APOM: variants seen among roughly 807,000 people sequenced by gnomAD.
The protein encoded by APOM is NG20-like protein.
A neutral mutation model predicts 23.5 loss-of-function variants in APOM; 24 were observed. The observed-to-expected ratio is 1.02, with a 90% CI of 0.74 to 1.44. The LOEUF (loss-of-function observed/expected upper bound fraction) is 1.44, where lower values mean the gene tolerates loss of function less well. APOM is among the 40% of genes most tolerant of loss of function. The pLI is 0.00. For missense variants in APOM, 200 were observed against 233.2 expected, an observed-to-expected ratio of 0.86 and a Z score of 0.93; for synonymous variants, 82 against 84.1, an observed-to-expected ratio of 0.97 and a Z score of 0.14.
chr6:31,655,160 T>C (rs1468705947), upstream of APOM, among the ~76,000 whole-genome samples: 1 of 152,204 alleles, frequency 6.6e-6, no homozygotes, highest in Non-Finnish European at 1.5e-5. Flanking sequence ...AGGCTGGTTT[T>C]GAACTCCTGG....
chr6:31,657,769 C>G, intron 5 of APOM, 46 bp downstream of exon 5: 2 of 1,514,762 alleles, frequency 1.3e-6, no homozygotes, highest in Non-Finnish European at 1.8e-6. Flanking sequence ...CTCACCAAGT[C>G]TTCTGGTGTT....
upstream of APOM, among the ~76,000 whole-genome samples, chr6:31,653,311 C>T (rs1256657614): frequency 2.0e-5 from 3 of 152,194 alleles, no homozygotes; most frequent in Non-Finnish European, 1.5e-5. Flanking sequence ...GGGGTGGAGG[C>T]ATTACCGCCT....
Position 31,657,211 on chromosome 6 carries a change from C to T in APOM, c.270-14C>T. ...ATGCTCATTCTTTCCTCCTTGCCAC[C>T]ACCACCTCTGCAGGAAAGATGGGCT... On this transcript the variant is annotated splice_polypyrimidine_tract_variant and intron_variant, in intron 2 of 5. Coordinates refer to ENST00000375916, the MANE Select transcript of APOM (RefSeq NM_019101.3). 6.2e-7 allele frequency: 1 copy of T among 1,612,492 alleles called. No individual in the cohort carries two copies. Among genetic ancestry groups the T allele is most frequent in the Non-Finnish European group, 8.5e-7 (1 of 1,179,634 alleles).
chr6:31,657,336 G>T (rs1305040717), intron 3 of APOM, 38 bp downstream of exon 3: 14 of 1,612,950 alleles, frequency 8.7e-6, no homozygotes, highest in Non-Finnish European at 1.1e-5. Flanking sequence ...CTTGAGTTTG[G>T]TTCTGCATCT....
intron 5 of APOM, 106 bp downstream of exon 5, chr6:31,657,829 G>T: frequency 8.8e-7 from 1 of 1,136,082 alleles, no homozygotes. Context: ...GTGGCTAAGA[G>T]CTGTGATGTC....
chr6:31,655,909 G>A lies in APOM; in HGVS notation c.-58G>A, dbSNP rs1799989511. ...AGCTGAAAGCAGAGTGGACTGAGCA[G>A]CCAGTAGGGGAGAGAGCAGTTAAGG... On this transcript the variant is annotated 5_prime_UTR_variant, in exon 1 of 6. Coordinates refer to ENST00000375916, the MANE Select transcript of APOM (RefSeq NM_019101.3). 8.3e-7 allele frequency: 1 copy of A among 1,198,412 alleles called. No individual in the cohort carries two copies. Among genetic ancestry groups the A allele is most frequent in the Non-Finnish European group, 1.2e-6 (1 of 827,392 alleles). 74.2% of individuals were successfully genotyped at this position (1,198,412 alleles called of 1,614,324 possible). A position where few individuals can be genotyped will look rare whatever the true frequency, so the allele number is the denominator to read the frequency against.
In APOM at chr6:31,656,606, C is replaced by A; in HGVS notation, c.249C>A (p.His83Gln). The A allele has an allele frequency of 6.2e-7, 1 of 1,614,048 alleles. No individual in the cohort carries two copies. ...MAAGSAPMQL[H>Q]LRATIRMKDG... ...CTGGCTCTGCCCCGATGCAGCTCCA[C>A]CTTCGTGCTACCATCCGCATGTGAG... Residue 83 changes from histidine (H) to glutamine (Q), a missense_variant, in exon 2 of 6, where the codon CAC becomes CAA. Transcript: ENST00000375916.
intron 5 of APOM, 159 bp downstream of exon 5, chr6:31,657,882 G>T (rs1039637607): frequency 1.1e-6 from 1 of 951,868 alleles, no homozygotes; most frequent in African/African-American, 1.6e-5. Context: ...TCAAAAGAGA[G>T]GTTTCTGAGT....
At chr6:31,654,421 C>T (rs944324449), upstream of APOM, among the ~76,000 whole-genome samples, 3 of 152,028 alleles carry the variant, frequency 2.0e-5, no homozygotes, top group African/African-American at 7.2e-5. Flanking sequence ...GGTGTGGTGG[C>T]TCATGCCTGT....
At chr6:31,657,912 C>A in intron 5 of APOM, 152 bp from the exon 6 acceptor site, 1 of 969,992 alleles carries the variant, frequency 1.0e-6, no homozygotes, top group Non-Finnish European at 1.6e-6. Context: ...ATAAAGGGGG[C>A]AGAGGGTCAT....
chr6:31,657,265 CT>C lies in APOM; in HGVS notation c.311del (p.Leu104ArgfsTer16). On this transcript the variant is annotated frameshift_variant, in exon 3 of 6. Coordinates refer to ENST00000375916, the MANE Select transcript of APOM (RefSeq NM_019101.3). LOFTEE classifies it high-confidence loss of function. ...TGTGCCCCGGAAATGGATCTACCAC[CT>C]GACTGAAGGGAGCACAGATCTCAGA... Reference protein sequence around the residue: ...LCVPRKWIYHLTEGSTDLRTE... With the variant: ...LCVPRKWIYHXTEGSTDLRTE... The C allele has an allele frequency of 1.2e-6, 2 of 1,613,100 alleles. No homozygotes were observed. The highest frequency in any genetic ancestry group is 1.7e-6 in the Non-Finnish European group (2 of 1,180,028).
Position 31,656,094 on chromosome 6 carries a change from T to C in APOM, c.114+14T>C, listed in dbSNP as rs370076893. Reference sequence around the variant, plus strand: ...GATGGGAAGGAGGTATGGACTGAGATTGGGGGAAGCCTATGGTGGAGGCTC... The same window carrying C: ...GATGGGAAGGAGGTATGGACTGAGACTGGGGGAAGCCTATGGTGGAGGCTC... On this transcript the variant is annotated intron_variant, in intron 1 of 5. Transcript: ENST00000375916. 2.8e-5 allele frequency: 43 copies of C among 1,549,112 alleles called. No homozygotes were observed. The highest frequency in any genetic ancestry group is 1.4e-4 in the African/African-American group (10 of 73,242).
At chr6:31,654,570 C>T (rs561397374), upstream of APOM, among the ~76,000 whole-genome samples, 2 of 152,112 alleles carry the variant, frequency 1.3e-5, no homozygotes, top group Non-Finnish European at 2.9e-5. Context: ...ACCTCCTACT[C>T]GGGAATCATC....
rs1483600795 is a variant in APOM at position 31,656,069 on chromosome 6, G to A, written c.103G>A (p.Asp35Asn). The A allele has an allele frequency of 6.4e-7, 1 of 1,566,846 alleles. No individual in the cohort carries two copies. Among genetic ancestry groups the A allele is most frequent in the East Asian group, 2.3e-5 (1 of 42,828 alleles). ...EHSQLTTLGV[D>N]GKEFPEVHLG... ...CAGTCAACTGACAACTCTGGGCGTGGATGGGAAGGAGGTATGGACTGAGAT... is the reference window on the plus strand; with the variant it reads ...CAGTCAACTGACAACTCTGGGCGTGAATGGGAAGGAGGTATGGACTGAGAT... The change falls in exon 1 of 6, where the codon GAT becomes AAT. Residue 35 changes from aspartate to asparagine, a missense_variant. By Grantham distance (23) the Asp-to-Asn change is conservative. Transcript: ENST00000375916.
intron 1 of APOM, 79 bp from the exon 2 acceptor site, chr6:31,656,393 G>C (rs116715239): frequency 6.9e-7 from 1 of 1,456,080 alleles, no homozygotes; most frequent in African/African-American, 1.4e-5. Context: ...CCTAAATCTT[G>C]CTGTTTTGAC....
At chr6:31,654,062 T>C (rs777618255), upstream of APOM, among the ~76,000 whole-genome samples, 6 of 151,780 alleles carry the variant, frequency 4.0e-5, no homozygotes, top group African/African-American at 4.8e-5. Context: ...CTGGCCAAAA[T>C]GGTGAAACCC....
chr6:31,654,964 G>C (rs1298960636), upstream of APOM, among the ~76,000 whole-genome samples: 4 of 152,158 alleles, frequency 2.6e-5, no homozygotes, highest in Non-Finnish European at 5.9e-5. Context: ...TGTTTGTTTG[G>C]AGACAGAGTC....
Position 31,656,458 on chromosome 6 carries a change from C to T in APOM, c.115-14C>T, listed in dbSNP as rs763705217. The T allele has an allele frequency of 6.2e-7, 1 of 1,613,000 alleles. No individual in the cohort carries two copies. Among genetic ancestry groups the T allele is most frequent in the Admixed American group, 1.7e-5 (1 of 59,916 alleles). ...GGAACCCACCCTCTTTTGCTCCCTT[C>T]ATTGTCTCTCCAGTTCCCAGAGGTC... On this transcript the variant is annotated splice_polypyrimidine_tract_variant and intron_variant, in intron 1 of 5. Coordinates refer to ENST00000375916, the MANE Select transcript of APOM (RefSeq NM_019101.3).
At chr6:31,655,714 T>C (rs1200867848), upstream of APOM, 3 of 458,840 alleles carry the variant, frequency 6.5e-6, no homozygotes, top group Non-Finnish European at 1.2e-5. Context: ...ACAGCTCAGC[T>C]CTCCTCATAA....
Sources: allele counts gnomAD v4.1 joint callset (sites outside exome capture counted in the v4.1 genomes callset), GRCh38; gene constraint gnomAD v4.1.1; transcripts MANE v1.5; gene names NCBI Gene and HGNC (gene_info 2026-07-23, HGNC 2026-07-21).